PTPRN2: variants seen among roughly 807,000 people sequenced by gnomAD.
PTPRN2 encodes receptor-type tyrosine-protein phosphatase N2.
In PTPRN2, 74 loss-of-function variants were observed where a neutral mutation model predicts 118.8. The observed-to-expected ratio is 0.62, with a 90% CI of 0.52 to 0.76. The LOEUF is 0.76. Ranked by LOEUF, PTPRN2 falls within the 30% of genes least tolerant of loss-of-function variation. The pLI is 0.00. For synonymous variants in PTPRN2, 641 were observed against 608.0 expected, an observed-to-expected ratio of 1.05 and a Z score of -0.80; for missense variants, 1,481 against 1,394.4, an observed-to-expected ratio of 1.06 and a Z score of -0.99.
At chr7:158,143,577 G>T (rs919905131) in intron 6 of PTPRN2, among the ~76,000 whole-genome samples, 4 of 152,190 alleles carry the variant, frequency 2.6e-5, no homozygotes, top group Non-Finnish European at 5.9e-5. Flanking sequence ...ATGAGTGGTG[G>T]TTGCTAAGGA....
chr7:158,136,656 T>G lies in PTPRN2; in HGVS notation c.1172A>C (p.Glu391Ala), dbSNP rs1487959536. ...VQDDDDRLYQ[E>A]VHRLSATLGG... ...CAAACACCAGAGACGTCATCTTACC[T>G]CTTGGTAAAGTCTATCATCGTCGTC... Residue 391 changes from glutamate to alanine, a missense_variant and splice_region_variant, in exon 8 of 23, where the codon GAG becomes GCG. By Grantham distance (107) the Glu-to-Ala change is moderately radical. Coordinates refer to ENST00000389418, the MANE Select transcript of PTPRN2 (RefSeq NM_002847.5). The G allele has an allele frequency of 1.9e-6, 3 of 1,613,338 alleles. No homozygotes were observed. The highest frequency in any genetic ancestry group is 1.6e-4 in the Middle Eastern group (1 of 6,062).
In PTPRN2 at chr7:158,456,569, G is replaced by A. The variant is rs528888956; in HGVS notation, c.163+33166C>T. 3.3e-5 allele frequency among the ~76,000 whole-genome samples: 5 copies of A among 151,272 alleles called. No homozygotes were observed. The East Asian group carries it at 5.9e-4, about 18-fold the overall frequency. On this transcript the variant is annotated intron_variant, in intron 2 of 22. Transcript: ENST00000389418. ...AGAACATAACGGCACGGATGCCATC[G>A]GCCACGGCCCCCCATTGCTCCGCAG...
rs532140289 is a variant in PTPRN2, at chr7:157,910,798, C to T, written c.1724-12061G>A. On this transcript the variant is annotated intron_variant, in intron 11 of 22. Transcript: ENST00000389418. ...CTGTAACGTGTTGTGATCCACTGCG[C>T]GGCAACAACACAAAACACAAGAAAA... Among the ~76,000 whole-genome samples the T allele has an allele frequency of 4.6e-5, 7 of 152,344 alleles. No homozygotes were observed. The South Asian group carries it at 6.2e-4, about 14-fold the overall frequency.
In PTPRN2 at chr7:158,363,148, G is replaced by A. The variant is rs150180702; in HGVS notation, c.164-46216C>T. On this transcript the variant is annotated intron_variant, in intron 2 of 22. Coordinates refer to ENST00000389418, the MANE Select transcript of PTPRN2 (RefSeq NM_002847.5). ...CAGATGGCCAGCACCATGGACAGCA[G>A]CTCGCCAGCCTTCGCTGAGCCTCCA... Among the ~76,000 whole-genome samples, 1,263 of 152,294 alleles carry A rather than the reference G, an allele frequency of 8.3e-3. 9 individuals carry two copies. Among genetic ancestry groups the A allele is most frequent in the Admixed American group, 0.015 (233 of 15,304 alleles).
chr7:158,541,329 GA>G, intron 1 of PTPRN2: 1 of 822,650 alleles, frequency 1.2e-6, no homozygotes, highest in Non-Finnish European at 1.7e-6. Flanking sequence ...TTAGTGCACT[GA>G]GTTTTGACCT....
chr7:157,635,841 C>A (rs991081643), intron 14 of PTPRN2, among the ~76,000 whole-genome samples: 1 of 152,242 alleles, frequency 6.6e-6, no homozygotes, highest in African/African-American at 2.4e-5. Flanking sequence ...AGCTTACAGT[C>A]TCTCACCCCA....
chr7:157,850,466 A>C (rs1157431516), intron 12 of PTPRN2, among the ~76,000 whole-genome samples: 2 of 152,204 alleles, frequency 1.3e-5, no homozygotes, highest in Non-Finnish European at 2.9e-5. Flanking sequence ...AAGGGATCCC[A>C]GGTCTCCCGG....
intron 11 of PTPRN2, among the ~76,000 whole-genome samples, chr7:157,968,277 C>T (rs1802081850): frequency 6.7e-6 from 1 of 148,406 alleles, no homozygotes; most frequent in Non-Finnish European, 1.5e-5. Context: ...CTTGAGGTTA[C>T]CTTTCCTAGG....
intron 12 of PTPRN2, among the ~76,000 whole-genome samples, chr7:157,744,453 G>C (rs76502047): frequency 6.6e-6 from 1 of 152,162 alleles, no homozygotes; most frequent in African/African-American, 2.4e-5. Context: ...ATTACACAAC[G>C]ATGGAATCTG....
At chr7:158,313,294 T>G (rs75858616) in intron 3 of PTPRN2, among the ~76,000 whole-genome samples, 12,957 of 152,250 alleles carry the variant, frequency 0.085, 803 homozygotes, top group South Asian at 0.2. Context: ...CCCCAGGGTT[T>G]GCTGGAAATG....
At chr7:157,879,760 G>A (rs969744978) in intron 12 of PTPRN2, among the ~76,000 whole-genome samples, 6 of 151,230 alleles carry the variant, frequency 4.0e-5, no homozygotes, top group Middle Eastern at 3.4e-3. Context: ...ACGTGAGCCC[G>A]GCTTACTCGT....
At chr7:158,278,569 A>G (rs537179060) in intron 3 of PTPRN2, among the ~76,000 whole-genome samples, 64 of 152,352 alleles carry the variant, frequency 4.2e-4, no homozygotes, top group African/African-American at 1.4e-3. Context: ...ATAAGCCCAG[A>G]ACCCACAACT....
At chr7:157,732,515 T>C (rs372640894) in intron 12 of PTPRN2, among the ~76,000 whole-genome samples, 23 of 4,250 alleles carry the variant, frequency 5.4e-3, no homozygotes, top group East Asian at 0.012. Context: ...CCCTTTCCCG[T>C]CCCATGCGCC....
At chr7:158,503,454 G>A (rs1183978419) in intron 1 of PTPRN2, among the ~76,000 whole-genome samples, 2 of 152,196 alleles carry the variant, frequency 1.3e-5, no homozygotes, top group Non-Finnish European at 2.9e-5. Context: ...TGGATGGAAG[G>A]ATGGCACCCC....
At position 158,379,196 on chromosome 7, in the gene PTPRN2, C is replaced by T. The variant is rs140271267; in HGVS notation, c.164-62264G>A. 1.3e-3 allele frequency among the ~76,000 whole-genome samples: 203 copies of T among 152,280 alleles called. No homozygotes were observed. In the East Asian group the frequency reaches 0.015, roughly 11 times the overall value. On this transcript the variant is annotated intron_variant, in intron 2 of 22. Coordinates refer to ENST00000389418, the MANE Select transcript of PTPRN2 (RefSeq NM_002847.5). ...AGAACAGCAAGGTCAGGTGTCCACA[C>T]GTAGGATGCTCCCTCCAGCAGCCTG...
chr7:157,937,029 G>A (rs539668562), intron 11 of PTPRN2, among the ~76,000 whole-genome samples: 6 of 152,146 alleles, frequency 3.9e-5, no homozygotes, highest in South Asian at 4.1e-4. Context: ...CCTCTCACCC[G>A]CATGTCAACC....
rs572169775 is a variant in PTPRN2 at position 157,621,388 on chromosome 7, T to C, written c.2318A>G (p.Lys773Arg). The C allele has an allele frequency of 6.4e-7, 1 of 1,567,224 alleles. No homozygotes were observed. Among genetic ancestry groups the C allele is most frequent in the East Asian group, 2.3e-5 (1 of 43,758 alleles). The change falls in exon 15 of 23, where the codon AAG becomes AGG. Residue 773 changes from lysine to arginine, a missense_variant. Coordinates refer to ENST00000389418, the MANE Select transcript of PTPRN2 (RefSeq NM_002847.5). ...GGTCAGCACGGCCAGGGAGCGGTTCTTGGGCACGTTCTCCTCCCTCTGGGC... is the reference window on the plus strand; with the variant it reads ...GGTCAGCACGGCCAGGGAGCGGTTCCTGGGCACGTTCTCCTCCCTCTGGGC... ...FVAQREENVP[K>R]NRSLAVLTYD...
chr7:158,473,833 C>A (rs1257546069), intron 2 of PTPRN2, among the ~76,000 whole-genome samples: 1 of 151,990 alleles, frequency 6.6e-6, no homozygotes, highest in Non-Finnish European at 1.5e-5. Context: ...GCTTAAAAAC[C>A]AAATGTTTTA....
intron 12 of PTPRN2, among the ~76,000 whole-genome samples, chr7:157,687,893 G>A (rs185331210): frequency 6.6e-6 from 1 of 152,296 alleles, no homozygotes; most frequent in Middle Eastern, 3.4e-3. Context: ...ATTTGCCACA[G>A]AATTCTAATA....
Sources: gnomAD v4.1 joint callset for allele counts (sites outside exome capture counted in the v4.1 genomes callset) on GRCh38, gnomAD v4.1.1 for gene constraint, MANE v1.5 for transcripts, NCBI Gene and HGNC (gene_info 2026-07-23, HGNC 2026-07-21) for gene names.